Variants in TPD52 observed in about 807,000 individuals in gnomAD.
TPD52 encodes prostate and colon associated protein.
A neutral mutation model predicts 31.3 loss-of-function variants in TPD52; 17 were observed. That is an observed-to-expected ratio of 0.54 (90% confidence interval 0.37 to 0.82). The LOEUF is 0.82. Ranked by LOEUF, TPD52 falls within the 40% of genes least tolerant of loss-of-function variation. The pLI is 0.00. For missense variants in TPD52, 212 were observed against 240.1 expected, an observed-to-expected ratio of 0.88 and a Z score of 0.77; for synonymous variants, 83 against 89.6, an observed-to-expected ratio of 0.93 and a Z score of 0.42.
At chr8:80,149,835 G>A (rs911858253) in intron 1 of TPD52, among the ~76,000 whole-genome samples, 3 of 152,196 alleles carry the variant, frequency 2.0e-5, no homozygotes, top group African/African-American at 7.2e-5. Context: ...AAGTGGCAAA[G>A]CACTCAAGAG....
At chr8:80,169,525 T>C (rs1329900879) in intron 1 of TPD52, among the ~76,000 whole-genome samples, 1 of 152,224 alleles carries the variant, frequency 6.6e-6, no homozygotes, top group African/African-American at 2.4e-5. Flanking sequence ...GTGCTACCAA[T>C]GACTGTTGAT....
At chr8:80,097,128 G>T (rs1310067282) in intron 1 of TPD52, among the ~76,000 whole-genome samples, 1 of 81,234 alleles carries the variant, frequency 1.2e-5, no homozygotes, top group Admixed American at 1.2e-4. Flanking sequence ...CTGGATAGAA[G>T]TTCAAACCAG....
chr8:80,170,701 G>T (rs78531278), intron 1 of TPD52, among the ~76,000 whole-genome samples: 2,472 of 152,274 alleles, frequency 0.016, 26 homozygotes, highest in Non-Finnish European at 0.024. Context: ...TCTCTAGGAT[G>T]AAACTATTTA....
At chr8:80,132,671 C>A (rs1809102926) in intron 1 of TPD52, among the ~76,000 whole-genome samples, 1 of 152,144 alleles carries the variant, frequency 6.6e-6, no homozygotes, top group Non-Finnish European at 1.5e-5. Context: ...AATAGTACTT[C>A]TTGGGTTTAC....
intron 1 of TPD52, among the ~76,000 whole-genome samples, chr8:80,157,119 A>T (rs1811026884): frequency 6.6e-6 from 1 of 152,196 alleles, no homozygotes; most frequent in Admixed American, 6.5e-5. Flanking sequence ...GCCTCATCAG[A>T]CTTCACTACT....
chr8:80,166,627 G>A (rs1563675151), intron 1 of TPD52, among the ~76,000 whole-genome samples: 1 of 151,850 alleles, frequency 6.6e-6, no homozygotes, highest in Non-Finnish European at 1.5e-5. Context: ...TTGTTGGCCG[G>A]GCACAGTGGC....
At chr8:80,152,235 G>C (rs890075339) in intron 1 of TPD52, among the ~76,000 whole-genome samples, 8 of 152,154 alleles carry the variant, frequency 5.3e-5, no homozygotes, top group African/African-American at 1.7e-4. Context: ...CACAGGTAGA[G>C]AGCTGACCGG....
chr8:80,164,983 A>C (rs558045398), intron 1 of TPD52, among the ~76,000 whole-genome samples: 1 of 151,340 alleles, frequency 6.6e-6, no homozygotes, highest in African/African-American at 2.4e-5. Context: ...CAAAAAAGGT[A>C]TGACAAACTA....
intron 1 of TPD52, among the ~76,000 whole-genome samples, chr8:80,138,190 G>A (rs1025839563): frequency 6.6e-6 from 1 of 152,048 alleles, no homozygotes; most frequent in Non-Finnish European, 1.5e-5. Context: ...TGATCCGCTC[G>A]CCTCAGCCTC....
chr8:80,053,476 G>GT lies in TPD52; in HGVS notation c.136-47dup, dbSNP rs1370141167. The GT allele has an allele frequency of 3.8e-6, 6 of 1,585,482 alleles. No individual in the cohort carries two copies. In the African/African-American group the frequency reaches 8.1e-5, roughly 21 times the overall value. On this transcript the variant is annotated intron_variant, in intron 2 of 7. Transcript: ENST00000518937. ...GTAAGAATATAGCAAAAGTCATTCA[G>GT]TAAGTTAAGATTATTACCACAGAAC...
intron 1 of TPD52, among the ~76,000 whole-genome samples, chr8:80,104,015 C>T (rs772957158): frequency 5.9e-5 from 9 of 152,310 alleles, no homozygotes; most frequent in South Asian, 2.1e-4. Flanking sequence ...CCAAGGACCA[C>T]GTGTCCCTGA....
At chr8:80,161,813 T>A (rs1474512905) in intron 1 of TPD52, among the ~76,000 whole-genome samples, 2 of 150,482 alleles carry the variant, frequency 1.3e-5, no homozygotes, top group Admixed American at 6.7e-5. Context: ...CACTGCAACC[T>A]CCACCTCCTG....
chr8:80,101,335 C>G (rs1806717030), intron 1 of TPD52, among the ~76,000 whole-genome samples: 1 of 151,594 alleles, frequency 6.6e-6, no homozygotes, highest in Admixed American at 6.6e-5. Flanking sequence ...ATAATCCCAG[C>G]TACCCGGGAG....
At chr8:80,140,405 C>G (rs1809747893) in intron 1 of TPD52, among the ~76,000 whole-genome samples, 1 of 152,198 alleles carries the variant, frequency 6.6e-6, no homozygotes, top group African/African-American at 2.4e-5. Flanking sequence ...ACCAGCTCCA[C>G]CTTGTTAACT....
chr8:80,042,647 T>A lies in TPD52; in HGVS notation c.477A>T (p.Ser159=), dbSNP rs202214281. 1 of 1,611,786 alleles carries A rather than the reference T, an allele frequency of 6.2e-7. No individual in the cohort carries two copies. Among genetic ancestry groups the A allele is most frequent in the South Asian group, 1.1e-5 (1 of 90,642 alleles). ...TTAAGTTTTCGACCTTTTCTTCAAA[T>A]GATTTAAAAGTTGGGGAGTTTCTAT... ...PAMRNSPTFK[S]FEEKVENLKS... is the part of the protein sequence containing the mutation. The change falls in exon 7 of 8, where the codon TCA becomes TCT. Residue 159 remains serine (S), a synonymous_variant. Transcript: ENST00000518937.
At chr8:80,153,227 A>G (rs1446741719) in intron 1 of TPD52, among the ~76,000 whole-genome samples, 1 of 152,216 alleles carries the variant, frequency 6.6e-6, no homozygotes, top group Non-Finnish European at 1.5e-5. Flanking sequence ...CATTAAGTAC[A>G]GCTGCTTTGA....
At chr8:80,077,008 GGCTCAC>G (rs1814635088) in intron 1 of TPD52, among the ~76,000 whole-genome samples, 1 of 151,978 alleles carries the variant, frequency 6.6e-6, no homozygotes, top group Non-Finnish European at 1.5e-5. Context: ...CCGGCCCAGT[GGCTCAC>G]GCCTGTAATC....
chr8:80,132,260 T>C (rs1008058414), intron 1 of TPD52, among the ~76,000 whole-genome samples: 10 of 151,948 alleles, frequency 6.6e-5, no homozygotes, highest in African/African-American at 2.4e-4. Context: ...ATGGGCAAAT[T>C]TATCTGTATA....
At chr8:80,114,519 T>C (rs1390693024) in intron 1 of TPD52, among the ~76,000 whole-genome samples, 1 of 152,218 alleles carries the variant, frequency 6.6e-6, no homozygotes, top group African/African-American at 2.4e-5. Context: ...AATTAGTTAA[T>C]TAATGTCATT....
Sources: gnomAD v4.1 joint callset for allele counts (sites outside exome capture counted in the v4.1 genomes callset) on GRCh38, gnomAD v4.1.1 for gene constraint, MANE v1.5 for transcripts, NCBI Gene and HGNC (gene_info 2026-07-23, HGNC 2026-07-21) for gene names.